The following PAK2 variants were observed in gnomAD, a reference collection of about 807,000 sequenced individuals.
The protein encoded by PAK2 is p21 (RAC1) activated kinase 2, also known as serine/threonine-protein kinase PAK 2.
Under a neutral mutation model 65.9 loss-of-function variants are expected in PAK2, and 21 were observed. The ratio of observed to expected loss-of-function variants is 0.32; its 90% confidence interval spans 0.23 to 0.46. The LOEUF (loss-of-function observed/expected upper bound fraction) is 0.46. Ranked by LOEUF, PAK2 falls within the 20% of genes least tolerant of loss-of-function variation. The pLI is 1.00. For synonymous variants in PAK2, 204 were observed against 219.7 expected (o/e 0.93, Z 0.63); for missense variants, 324 against 642.6 (o/e 0.50, Z 5.36).
intron 1 of PAK2, among the ~76,000 whole-genome samples, chr3:196,763,069 C>G (rs145943619): frequency 2.8e-4 from 43 of 152,264 alleles, no homozygotes; most frequent in African/African-American, 9.6e-4. Context: ...ATAGACCCCC[C>G]ACCCCCTGCC....
At chr3:196,775,274 G>T (rs1187449472) in intron 1 of PAK2, among the ~76,000 whole-genome samples, 1 of 152,188 alleles carries the variant, frequency 6.6e-6, no homozygotes, top group African/African-American at 2.4e-5. Flanking sequence ...TCACTAAAAA[G>T]TTCCGAAAAA....
intron 1 of PAK2, among the ~76,000 whole-genome samples, chr3:196,742,810 G>C (rs1041267576): frequency 3.9e-5 from 6 of 152,148 alleles, no homozygotes; most frequent in African/African-American, 7.2e-5. Flanking sequence ...CCAGCTACTC[G>C]GGAGGCTGAG....
At chr3:196,828,202 T>C (rs1711949494) in intron 14 of PAK2, 117 bp from the exon 15 acceptor site, 1 of 673,520 alleles carries the variant, frequency 1.5e-6, no homozygotes, top group Non-Finnish European at 2.7e-6. Flanking sequence ...TAATATGTGT[T>C]TAGTTTATTA....
chr3:196,778,373 A>C (rs953034981), intron 1 of PAK2, among the ~76,000 whole-genome samples: 1 of 152,184 alleles, frequency 6.6e-6, no homozygotes, highest in Non-Finnish European at 1.5e-5. Flanking sequence ...TTTTGCGTGA[A>C]CATGTTTTTC....
At position 196,806,602 on chromosome 3, in the gene PAK2, A is replaced by T. The variant is rs1715592323; in HGVS notation, c.492A>T (p.Ala164=). ...TPALNAKGTE[A]PAVVTEEEDD... ...AGCTGAATGCCAAGGGAACAGAAGC[A>T]CCCGCAGTAGTGACAGAGGAGGAGG... Residue 164 remains alanine (A), a synonymous_variant, in exon 6 of 15, where the codon GCA becomes GCT. Transcript: ENST00000327134. 6.2e-7 allele frequency: 1 copy of T among 1,612,150 alleles called. No individual in the cohort carries two copies. Among genetic ancestry groups the T allele is most frequent in the Non-Finnish European group, 8.5e-7 (1 of 1,178,404 alleles).
chr3:196,785,635 A>C (rs955908612), intron 2 of PAK2, among the ~76,000 whole-genome samples: 1 of 152,184 alleles, frequency 6.6e-6, no homozygotes, highest in Non-Finnish European at 1.5e-5. Flanking sequence ...TCTGTTCACT[A>C]TCTATATTAG....
chr3:196,744,152 C>A (rs1035659928), intron 1 of PAK2, among the ~76,000 whole-genome samples: 1 of 151,982 alleles, frequency 6.6e-6, no homozygotes, highest in African/African-American at 2.4e-5. Flanking sequence ...GCTGAGGATC[C>A]TTTGAGTCCA....
rs1377817698 is a variant in PAK2, at chr3:196,761,731, G to A, written c.-21-20895G>A. The stretch of plus-strand genomic sequence containing the variant: ...GGGCTCCTCACTTCCCAGTAGGGGC[G>A]GCCGGGCAGAGGCGCCCCTCACCTC... On this transcript the variant is annotated intron_variant, in intron 1 of 14. Transcript: ENST00000327134. Among the ~76,000 whole-genome samples, 810 of 145,738 alleles carry A rather than the reference G, an allele frequency of 5.6e-3. 7 individuals are homozygous for A. Among genetic ancestry groups the A allele is most frequent in the African/African-American group, 0.019 (773 of 39,818 alleles).
At chr3:196,797,633 T>C (rs1237195515) in intron 2 of PAK2, among the ~76,000 whole-genome samples, 3 of 151,558 alleles carry the variant, frequency 2.0e-5, no homozygotes, top group Non-Finnish European at 4.4e-5. Context: ...GCACCTGTAA[T>C]CCCAGCTACT....
Position 196,828,431 on chromosome 3 carries a change from T to G in PAK2, c.*26T>G. The G allele has an allele frequency of 7.5e-7, 1 of 1,342,028 alleles. No individual in the cohort carries two copies. The highest frequency in any genetic ancestry group is 1.4e-5 in the African/African-American group (1 of 69,060). 83.1% of individuals were successfully genotyped at this position (1,342,028 alleles called of 1,614,324 possible). ...CATCACTGCTGTGGCCTCATACTCT[T>G]TTTTCCATTTTCTACAAGAAGCCTT... On this transcript the variant is annotated 3_prime_UTR_variant, in exon 15 of 15. Coordinates refer to ENST00000327134, the MANE Select transcript of PAK2 (RefSeq NM_002577.4).
At chr3:196,813,819 G>T (rs181854143) in intron 10 of PAK2, among the ~76,000 whole-genome samples, 1 of 150,592 alleles carries the variant, frequency 6.6e-6, no homozygotes, top group Admixed American at 6.6e-5. Flanking sequence ...GCATGGTGCC[G>T]CACACCTGTA....
intron 14 of PAK2, among the ~76,000 whole-genome samples, chr3:196,828,033 T>C (rs1268362334): frequency 6.8e-6 from 1 of 146,632 alleles, no homozygotes; most frequent in Non-Finnish European, 1.5e-5. Context: ...TTACAGTTTG[T>C]GCATCGTATC....
At chr3:196,800,848 G>A (rs148905608) in intron 2 of PAK2, among the ~76,000 whole-genome samples, 2 of 152,162 alleles carry the variant, frequency 1.3e-5, no homozygotes, top group African/African-American at 4.8e-5. Flanking sequence ...AGAGGAAAAC[G>A]TAAGATCCAG....
chr3:196,790,615 T>C (rs1385337549), intron 2 of PAK2, among the ~76,000 whole-genome samples: 3 of 152,138 alleles, frequency 2.0e-5, no homozygotes, highest in African/African-American at 7.2e-5. Context: ...TAGGGGTCCG[T>C]CCCGCAGACC....
chr3:196,783,082 C>T (rs1714762884), intron 2 of PAK2, among the ~76,000 whole-genome samples: 1 of 152,032 alleles, frequency 6.6e-6, no homozygotes, highest in Non-Finnish European at 1.5e-5. Context: ...TTTTCTGAGA[C>T]CTTGGCCATA....
chr3:196,775,984 T>C lies in PAK2; in HGVS notation c.-21-6642T>C, dbSNP rs1292430571. On this transcript the variant is annotated intron_variant, in intron 1 of 14. Transcript: ENST00000327134. ...AAATAAATATGAGTCTTCTGCCACCTCCGTAAAACATCAAAGCATTTGGGG... is the reference window on the plus strand; with the variant it reads ...AAATAAATATGAGTCTTCTGCCACCCCCGTAAAACATCAAAGCATTTGGGG... 2.0e-5 allele frequency among the ~76,000 whole-genome samples: 3 copies of C among 152,194 alleles called. No homozygotes were observed. In the East Asian group the frequency reaches 5.8e-4, roughly 29 times the overall value.
chr3:196,744,230 GA>G (rs967760496), intron 1 of PAK2, among the ~76,000 whole-genome samples: 9 of 151,830 alleles, frequency 5.9e-5, no homozygotes. Flanking sequence ...AATAAAAGTA[GA>G]AAAAAATATT....
rs1478472124 is a variant in PAK2 at position 196,808,586 on chromosome 3, C to T, written c.709+672C>T. On this transcript the variant is annotated intron_variant, in intron 7 of 14. Transcript: ENST00000327134. ...AAAAAAAAAAAAAAAGCGAACCGGC[C>T]GGGCACTGTGGCTCATGCCTATAAT... Among the ~76,000 whole-genome samples, 6 of 131,882 alleles carry T rather than the reference C, an allele frequency of 4.5e-5. No individual in the cohort carries two copies. In the South Asian group the frequency reaches 1.0e-3, roughly 22 times the overall value. 86.5% of individuals were successfully genotyped at this position (131,882 alleles called of 152,430 possible).
At chr3:196,794,892 T>G (rs1242017485) in intron 2 of PAK2, among the ~76,000 whole-genome samples, 1 of 152,080 alleles carries the variant, frequency 6.6e-6, no homozygotes, top group Non-Finnish European at 1.5e-5. Flanking sequence ...AACCTGGGCT[T>G]ATGGTGCCAT....
Sources: gnomAD v4.1 joint callset for allele counts (sites outside exome capture counted in the v4.1 genomes callset) on GRCh38, gnomAD v4.1.1 for gene constraint, MANE v1.5 for transcripts, NCBI Gene and HGNC (gene_info 2026-07-23, HGNC 2026-07-21) for gene names.